Variants in ZNF177 observed in about 807,000 individuals in gnomAD.
ZNF177 encodes zinc finger protein 177.
Under a neutral mutation model 19.4 loss-of-function variants are expected in ZNF177, and 17 were observed. That is an observed-to-expected ratio of 0.87 (90% CI 0.60 to 1.31). The LOEUF (loss-of-function observed/expected upper bound fraction) is 1.31, where lower values mean the gene tolerates loss of function less well. Ranked by LOEUF, ZNF177 falls within the 40% of genes most tolerant of loss-of-function variation. ZNF177 has a pLI of 0.00. For synonymous variants in ZNF177, 220 were observed against 188.7 expected, an observed-to-expected ratio of 1.17 and a Z score of -1.36; for missense variants, 633 against 561.8, an observed-to-expected ratio of 1.13 and a Z score of -1.28.
exon 6 of ZNF177, chr19:9,381,916 T>C: frequency 8.1e-7 from 1 of 1,242,050 alleles, no homozygotes; most frequent in Middle Eastern, 2.0e-4. Context: ...GGGACAAACC[T>C]TATAAATGTT....
At chr19:9,378,554 G>T (rs2068143915) in intron 2 of ZNF177, 2 of 792,870 alleles carry the variant, frequency 2.5e-6, no homozygotes, top group Non-Finnish European at 3.9e-6. Context: ...CCATATTTTT[G>T]AGTATGAATT....
chr19:9,375,203 T>G (rs1007061192), upstream of ZNF177, among the ~76,000 whole-genome samples: 6 of 152,198 alleles, frequency 3.9e-5, no homozygotes, highest in Non-Finnish European at 8.8e-5. Context: ...GATCATGGTG[T>G]ATGGTCCTTT....
intron 1 of ZNF177, among the ~76,000 whole-genome samples, chr19:9,377,580 CA>C (rs2052656337): frequency 6.6e-6 from 1 of 152,018 alleles, no homozygotes; most frequent in Non-Finnish European, 1.5e-5. Flanking sequence ...TCTTCGTTTA[CA>C]ACAAAAAAGT....
intron 2 of ZNF177, 46 bp from the exon 5 acceptor site, chr19:9,378,916 C>G: frequency 1.3e-6 from 2 of 1,549,162 alleles, no homozygotes; most frequent in Non-Finnish European, 1.8e-6. Flanking sequence ...GGTACATTGT[C>G]AAAAATGGTC....
chr19:9,369,737 A>G (rs761153047), intron 2 of ZNF177, among the ~76,000 whole-genome samples: 1 of 151,596 alleles, frequency 6.6e-6, no homozygotes, highest in Non-Finnish European at 1.5e-5. Flanking sequence ...TTTCTCTTCT[A>G]GACTGTGAGT....
intron 2 of ZNF177, among the ~76,000 whole-genome samples, chr19:9,370,167 A>C (rs1375137654): frequency 1.3e-5 from 2 of 152,040 alleles, no homozygotes; most frequent in African/African-American, 4.8e-5. Context: ...AAAATTTTTA[A>C]TTCTCCACAA....
In ZNF177 at chr19:9,378,212, A is replaced by G. The variant is rs369234530; in HGVS notation, c.-53-47A>G. The G allele has an allele frequency of 1.2e-4, 184 of 1,524,086 alleles. 1 individual carries two copies. The East Asian group carries it at 2.8e-3, about 23-fold the overall frequency. 94.4% of individuals were successfully genotyped at this position (1,524,086 alleles called of 1,614,324 possible). The stretch of plus-strand genomic sequence containing the variant: ...GAAGCTTCCCAGCCTGCTAGTGTTG[A>G]ACATCTAGCAGGCCTAGACTCTAAT... On this transcript the variant is annotated intron_variant, in intron 1 of 5. Coordinates refer to ENST00000589262, the Ensembl canonical transcript of ZNF177.
chr19:9,367,698 C>T (rs931056236), intron 2 of ZNF177, among the ~76,000 whole-genome samples: 4 of 152,186 alleles, frequency 2.6e-5, no homozygotes, highest in African/African-American at 4.8e-5. Context: ...TCCTTTTATA[C>T]TCTTAATCAC....
chr19:9,381,143 TTCAGAACTGTG>T lies in ZNF177; in HGVS notation c.821_831del (p.Cys274SerfsTer8). 1.9e-6 allele frequency: 3 copies of T among 1,614,122 alleles called. No individual in the cohort carries two copies. The highest frequency in any genetic ancestry group is 2.5e-6 in the Non-Finnish European group (3 of 1,180,032). Reference sequence around the variant, plus strand: ...AAAACTTTCACTGACCCTTTGTCCCTTCAGAACTGTGTCAGAACTCACTCTGGAGAGATGCC... The same window carrying T: ...AAAACTTTCACTGACCCTTTGTCCCTTCAGAACTCACTCTGGAGAGATGCC... On this transcript the variant is annotated frameshift_variant, in exon 6 of 6. Coordinates refer to ENST00000589262, the Ensembl canonical transcript of ZNF177. LOFTEE classifies it low-confidence loss of function (END_TRUNC).
exon 6 of ZNF177, chr19:9,381,066 C>T (rs772604069): frequency 6.2e-7 from 1 of 1,608,548 alleles, no homozygotes; most frequent in South Asian, 1.1e-5. Flanking sequence ...CCCTTAGTGT[C>T]CACACAAAAA....
intron 1 of ZNF177, among the ~76,000 whole-genome samples, chr19:9,363,538 C>T (rs1359386157): frequency 2.8e-4 from 43 of 152,170 alleles, no homozygotes; most frequent in Admixed American, 2.8e-3. Flanking sequence ...GAGTTCCTAT[C>T]TGAGTGGGCT....
intron 2 of ZNF177, 102 bp downstream of exon 2, chr19:9,365,050 TCA>T (rs2067958616): frequency 6.6e-6 from 1 of 152,284 alleles, no homozygotes; most frequent in South Asian, 2.1e-4. Flanking sequence ...TCCAATTGTT[TCA>T]GTGATGTGTG....
At chr19:9,379,160 CTG>C in intron 3 of ZNF177, 72 bp downstream of exon 5, 1 of 1,504,060 alleles carries the variant, frequency 6.6e-7, no homozygotes, top group South Asian at 1.4e-5. Context: ...GTTCCAGAAT[CTG>C]TGGAAAGAAT....
intron 2 of ZNF177, among the ~76,000 whole-genome samples, chr19:9,368,890 G>A (rs546851708): frequency 9.9e-5 from 15 of 152,060 alleles, no homozygotes; most frequent in Middle Eastern, 3.4e-3. Flanking sequence ...ATGTAATCTC[G>A]TTATTAACTT....
At chr19:9,369,723 C>T (rs2122503340) in intron 2 of ZNF177, among the ~76,000 whole-genome samples, 1 of 151,566 alleles carries the variant, frequency 6.6e-6, no homozygotes, top group East Asian at 1.9e-4. Flanking sequence ...TAACCTAATT[C>T]CATTTTCTCT....
At chr19:9,367,438 C>G (rs1399780708) in intron 2 of ZNF177, among the ~76,000 whole-genome samples, 1 of 152,174 alleles carries the variant, frequency 6.6e-6, no homozygotes, top group Non-Finnish European at 1.5e-5. Context: ...TTGAGTTGAT[C>G]ATACAATTTT....
chr19:9,369,546 A>G (rs2068021630), intron 2 of ZNF177, among the ~76,000 whole-genome samples: 2 of 152,102 alleles, frequency 1.3e-5, no homozygotes, highest in South Asian at 4.1e-4. Flanking sequence ...ATCTACCAGG[A>G]CAGTCTGTTT....
chr19:9,378,129 G>T, intron 1 of ZNF177, 130 bp from the exon 4 acceptor site: 1 of 773,620 alleles, frequency 1.3e-6, no homozygotes, highest in South Asian at 2.9e-5. Context: ...TGTGTTCTTG[G>T]ATAAGGAGGC....
intron 1 of ZNF177, among the ~76,000 whole-genome samples, chr19:9,363,495 AT>A (rs1288790570): frequency 6.6e-6 from 1 of 151,894 alleles, no homozygotes; most frequent in Non-Finnish European, 1.5e-5. Flanking sequence ...CCCCTCTGTT[AT>A]GTGGATGCAC....
Sources: allele counts gnomAD v4.1 joint callset (sites outside exome capture counted in the v4.1 genomes callset), GRCh38; gene constraint gnomAD v4.1.1; transcripts MANE v1.5; gene names NCBI Gene and HGNC (gene_info 2026-07-23, HGNC 2026-07-21).